PGCKA1: variants seen among roughly 807,000 people sequenced by gnomAD.
PGCKA1 encodes the protein PDCD10 and GCKIII kinases associated 1, also known as PDCD10 and GCKIII kinases-associated protein 1.
chr4:37,508,332 A>G, the PGCKA1 span, among the ~76,000 whole-genome samples: 4 of 152,128 alleles, frequency 2.6e-5, no homozygotes, highest in East Asian at 3.9e-4. Context: ...TTTAGGACCA[A>G]TAACTTTTAG....
the PGCKA1 span, among the ~76,000 whole-genome samples, chr4:37,539,581 G>A: frequency 6.6e-6 from 1 of 152,198 alleles, no homozygotes; most frequent in African/African-American, 2.4e-5. Context: ...TTGAACCTGG[G>A]AGGCAGAGGT....
chr4:37,475,794 G>A, the PGCKA1 span, among the ~76,000 whole-genome samples: 1 of 151,964 alleles, frequency 6.6e-6, no homozygotes, highest in Non-Finnish European at 1.5e-5. Flanking sequence ...AGTAGCTTTT[G>A]ACTAATAATG....
the PGCKA1 span, among the ~76,000 whole-genome samples, chr4:37,501,966 G>A: frequency 6.6e-6 from 1 of 152,114 alleles, no homozygotes; most frequent in Non-Finnish European, 1.5e-5. Context: ...TAGTCAATTG[G>A]TTTCATTTCT....
At chr4:37,523,678 G>T in the PGCKA1 span, among the ~76,000 whole-genome samples, 1 of 152,072 alleles carries the variant, frequency 6.6e-6, no homozygotes, top group Admixed American at 6.5e-5. Flanking sequence ...ATATACACAT[G>T]TACATAACAT....
the PGCKA1 span, among the ~76,000 whole-genome samples, chr4:37,482,585 C>A: frequency 6.6e-6 from 1 of 152,128 alleles, no homozygotes; most frequent in South Asian, 2.1e-4. Flanking sequence ...GAAAAGAAAA[C>A]CCTTTTTCTG....
chr4:37,533,662 A>C, the PGCKA1 span, among the ~76,000 whole-genome samples: 1 of 152,242 alleles, frequency 6.6e-6, no homozygotes, highest in East Asian at 1.9e-4. Flanking sequence ...CAACAACTAA[A>C]GATCCTTCCA....
the PGCKA1 span, among the ~76,000 whole-genome samples, chr4:37,517,806 A>G: frequency 6.6e-6 from 1 of 152,206 alleles, no homozygotes; most frequent in African/African-American, 2.4e-5. Context: ...CTAAGTTATT[A>G]TTGACTATAG....
the PGCKA1 span, among the ~76,000 whole-genome samples, chr4:37,580,595 T>A: frequency 6.6e-6 from 1 of 152,196 alleles, no homozygotes; most frequent in African/African-American, 2.4e-5. Context: ...GGCAGACTCT[T>A]GTTCCCCAAA....
At chr4:37,590,721 C>T in the PGCKA1 span, 1 of 1,614,162 alleles carries the variant, frequency 6.2e-7, no homozygotes, top group Admixed American at 1.7e-5. Context: ...GAATTCAGCC[C>T]CCAGTGGGGG....
At chr4:37,570,939 C>G in the PGCKA1 span, among the ~76,000 whole-genome samples, 2 of 152,204 alleles carry the variant, frequency 1.3e-5, no homozygotes, top group African/African-American at 4.8e-5. Context: ...GTTTGGACCA[C>G]TGGGTAGTAT....
chr4:37,478,355 C>T, the PGCKA1 span, among the ~76,000 whole-genome samples: 1 of 151,990 alleles, frequency 6.6e-6, no homozygotes, highest in African/African-American at 2.4e-5. Context: ...AGGCCCGGAG[C>T]CAGTTCACTG....
At chr4:37,483,645 C>G in the PGCKA1 span, among the ~76,000 whole-genome samples, 2 of 152,358 alleles carry the variant, frequency 1.3e-5, no homozygotes, top group Non-Finnish European at 2.9e-5. Flanking sequence ...CTGATCACCC[C>G]TATACGCAGA....
chr4:37,501,136 G>A, the PGCKA1 span, among the ~76,000 whole-genome samples: 2 of 152,112 alleles, frequency 1.3e-5, no homozygotes, highest in Non-Finnish European at 2.9e-5. Context: ...ATTCATATGT[G>A]AGGATTTGAT....
chr4:37,496,980 GT>G, the PGCKA1 span, among the ~76,000 whole-genome samples: 5 of 151,932 alleles, frequency 3.3e-5, no homozygotes, highest in Admixed American at 3.3e-4. Flanking sequence ...GTGGTATTTG[GT>G]TACATGAGTA....
the PGCKA1 span, among the ~76,000 whole-genome samples, chr4:37,524,210 G>A: frequency 6.6e-6 from 1 of 152,206 alleles, no homozygotes; most frequent in African/African-American, 2.4e-5. Context: ...TGTATAATCT[G>A]TATAAGTTAC....
chr4:37,533,098 A>G, the PGCKA1 span, among the ~76,000 whole-genome samples: 1 of 126,682 alleles, frequency 7.9e-6, no homozygotes, highest in Admixed American at 8.6e-5. Flanking sequence ...CCAATAGCTT[A>G]TGGAAAAATA....
the PGCKA1 span, among the ~76,000 whole-genome samples, chr4:37,525,190 G>A: frequency 3.9e-4 from 59 of 152,300 alleles, no homozygotes; most frequent in South Asian, 7.3e-3. Context: ...CCTGGGCTAT[G>A]TACATAATTG....
the PGCKA1 span, among the ~76,000 whole-genome samples, chr4:37,578,913 C>T: frequency 5.3e-5 from 8 of 152,040 alleles, no homozygotes; most frequent in Admixed American, 3.3e-4. Context: ...AAAAAATTAG[C>T]GAGGCATGGT....
chr4:37,511,820 G>A, the PGCKA1 span, among the ~76,000 whole-genome samples: 3 of 152,154 alleles, frequency 2.0e-5, no homozygotes, highest in African/African-American at 7.2e-5. Flanking sequence ...ACTTGCAGTC[G>A]TTCTGGCCTA....
Sources: allele counts gnomAD v4.1 joint callset (sites outside exome capture counted in the v4.1 genomes callset), GRCh38; gene constraint gnomAD v4.1.1; transcripts MANE v1.5; gene names NCBI Gene and HGNC (gene_info 2026-07-23, HGNC 2026-07-21).